CTSS: variants seen among roughly 807,000 people sequenced by gnomAD.
CTSS encodes cathepsin S.
In CTSS, 15 loss-of-function variants were observed where a neutral mutation model predicts 39.9. The ratio of observed to expected loss-of-function variants is 0.38; its 90% CI spans 0.25 to 0.58. The LOEUF is 0.58. CTSS is among the 20% of genes least tolerant of loss of function. CTSS has a pLI of 0.70. For missense variants in CTSS, 250 were observed against 398.2 expected (o/e 0.63, Z 3.17); for synonymous variants, 126 against 138.2 (o/e 0.91, Z 0.62).
intron 1 of CTSS, 149 bp from the exon 2 acceptor site, chr1:150,764,913 T>G: frequency 2.4e-6 from 2 of 845,778 alleles, no homozygotes; most frequent in Non-Finnish European, 3.6e-6. Flanking sequence ...CTGGGATATA[T>G]AGTCACAGGG....
chr1:150,736,763 T>C (rs1017741291), intron 7 of CTSS, among the ~76,000 whole-genome samples: 2 of 149,930 alleles, frequency 1.3e-5, no homozygotes, highest in Admixed American at 6.6e-5. Flanking sequence ...CCTTAAACAA[T>C]GAAACTGATA....
rs928243697 is a variant in CTSS at position 150,731,698 on chromosome 1, T to C, written c.*1348A>G. On this transcript the variant is annotated 3_prime_UTR_variant, in exon 8 of 8. Transcript: ENST00000368985. ...AGAGCAGTTGTAAGGAAGATCCATCTGAATTAGATAAAAATATGAGCAGTG... is the reference window on the plus strand; with the variant it reads ...AGAGCAGTTGTAAGGAAGATCCATCCGAATTAGATAAAAATATGAGCAGTG... 3 of 152,198 alleles carry C rather than the reference T, an allele frequency of 2.0e-5. No homozygotes were observed. Among genetic ancestry groups the C allele is most frequent in the Non-Finnish European group, 4.4e-5 (3 of 68,026 alleles). The allele number at this position is 152,198 out of a possible 1,614,324, so 9.4% of individuals were successfully genotyped here.
intron 7 of CTSS, among the ~76,000 whole-genome samples, chr1:150,738,141 G>C (rs761622437): frequency 2.0e-5 from 3 of 152,166 alleles, no homozygotes; most frequent in Non-Finnish European, 4.4e-5. Context: ...TCTGGTTACT[G>C]TGTAGAGGAT....
chr1:150,740,247 G>T (rs763348162), intron 7 of CTSS, among the ~76,000 whole-genome samples: 2 of 152,222 alleles, frequency 1.3e-5, no homozygotes, highest in African/African-American at 4.8e-5. Flanking sequence ...AATTCATAAA[G>T]CATTGCCAAA....
At chr1:150,748,506 G>C (rs1372652988) in intron 6 of CTSS, among the ~76,000 whole-genome samples, 1 of 148,210 alleles carries the variant, frequency 6.7e-6, no homozygotes, top group Non-Finnish European at 1.5e-5. Context: ...CATACAATCA[G>C]TTATTTTAAT....
At chr1:150,750,737 G>A (rs980850837) in intron 5 of CTSS, among the ~76,000 whole-genome samples, 1 of 152,080 alleles carries the variant, frequency 6.6e-6, no homozygotes, top group Admixed American at 6.6e-5. Flanking sequence ...CCTGGGCCAA[G>A]TGATTCTCCC....
At chr1:150,754,375 A>G (rs1653071599) in intron 4 of CTSS, among the ~76,000 whole-genome samples, 1 of 151,534 alleles carries the variant, frequency 6.6e-6, no homozygotes, top group Admixed American at 6.6e-5. Flanking sequence ...TGACCTGGAA[A>G]AGTGCTGGGA....
chr1:150,754,593 A>G (rs966887699), intron 4 of CTSS, among the ~76,000 whole-genome samples: 8 of 151,964 alleles, frequency 5.3e-5, no homozygotes, highest in African/African-American at 1.9e-4. Context: ...AGGCCCAGTT[A>G]ATTTTTGTAT....
chr1:150,757,769 G>A (rs1168036682), intron 3 of CTSS, 89 bp downstream of exon 3: 1 of 1,374,798 alleles, frequency 7.3e-7, no homozygotes, highest in Non-Finnish European at 1.0e-6. Context: ...CTTTGTTATT[G>A]TTGTTTACCT....
chr1:150,733,286 T>C, intron 7 of CTSS, 141 bp from the exon 8 acceptor site: 2 of 595,764 alleles, frequency 3.4e-6, no homozygotes, highest in Non-Finnish European at 5.8e-6. Flanking sequence ...AAGGTAATAA[T>C]TTCTCCAGGG....
intron 7 of CTSS, among the ~76,000 whole-genome samples, chr1:150,743,450 C>T (rs941941539): frequency 6.9e-6 from 1 of 145,540 alleles, no homozygotes; most frequent in Non-Finnish European, 1.5e-5. Flanking sequence ...AGGCTGGGTG[C>T]GGTGGTGGCT....
chr1:150,735,913 C>A (rs1035691160), intron 7 of CTSS, among the ~76,000 whole-genome samples: 1 of 151,936 alleles, frequency 6.6e-6, no homozygotes, highest in Non-Finnish European at 1.5e-5. Context: ...CCCACCACCA[C>A]GCCTGGCTAA....
chr1:150,735,101 G>A (rs1054885355), intron 7 of CTSS, among the ~76,000 whole-genome samples: 5 of 152,214 alleles, frequency 3.3e-5, no homozygotes, highest in Non-Finnish European at 5.9e-5. Context: ...GTTGTGAACA[G>A]CTTAGAACAG....
chr1:150,755,910 A>G (rs1422599321), intron 3 of CTSS, among the ~76,000 whole-genome samples: 1 of 152,120 alleles, frequency 6.6e-6, no homozygotes, highest in Non-Finnish European at 1.5e-5. Context: ...AAATTTGTTA[A>G]AACATTTTTC....
At chr1:150,752,105 G>T in intron 4 of CTSS, 97 bp from the exon 5 acceptor site, 1 of 1,238,074 alleles carries the variant, frequency 8.1e-7, no homozygotes, top group Non-Finnish European at 1.1e-6. Flanking sequence ...CATCAGTTCT[G>T]TCCCTAGTTC....
chr1:150,730,353 A>G lies in CTSS; in HGVS notation c.*2693T>C, dbSNP rs1252744513. On this transcript the variant is annotated 3_prime_UTR_variant, in exon 8 of 8. Coordinates refer to ENST00000368985, the MANE Select transcript of CTSS (RefSeq NM_004079.5). ...AAATGTCATAGGGCAAAGTGTGAAC[A>G]AGCTAAATGTAATAAACTGGGGGAA... is the stretch of plus-strand genomic sequence containing the variant. 8 of 152,208 alleles carry G rather than the reference A, an allele frequency of 5.3e-5. No homozygotes were observed. The highest frequency in any genetic ancestry group is 1.7e-4 in the African/African-American group (7 of 41,454). The allele number at this position is 152,208 out of a possible 1,614,324, so 9.4% of individuals were successfully genotyped here.
intron 7 of CTSS, among the ~76,000 whole-genome samples, chr1:150,737,228 G>A (rs149139621): frequency 6.6e-6 from 1 of 151,998 alleles, no homozygotes; most frequent in African/African-American, 2.4e-5. Context: ...TCAGCCTCCT[G>A]AGTAGCTGGG....
rs895867125 is a variant in CTSS at position 150,730,439 on chromosome 1, G to A, written c.*2607C>T. On this transcript the variant is annotated 3_prime_UTR_variant, in exon 8 of 8. Transcript: ENST00000368985. ...TCCCTGTGCTTTTGGAGGTAAGGAT[G>A]CTCCTTTTCTCTGGGTGCCAGGAGA... 2 of 152,148 alleles carry A rather than the reference G, an allele frequency of 1.3e-5. No homozygotes were observed. The highest frequency in any genetic ancestry group is 6.5e-5 in the Admixed American group (1 of 15,274). 9.4% of individuals were successfully genotyped at this position (152,148 alleles called of 1,614,324 possible).
intron 3 of CTSS, among the ~76,000 whole-genome samples, chr1:150,755,904 T>G (rs1653114446): frequency 6.6e-6 from 1 of 152,166 alleles, no homozygotes; most frequent in South Asian, 2.1e-4. Flanking sequence ...TACACTAAAT[T>G]TGTTAAAACA....
Sources: gnomAD v4.1 joint callset for allele counts (sites outside exome capture counted in the v4.1 genomes callset) on GRCh38, gnomAD v4.1.1 for gene constraint, MANE v1.5 for transcripts, NCBI Gene and HGNC (gene_info 2026-07-23, HGNC 2026-07-21) for gene names.